HTR2C: variants seen among roughly 807,000 people sequenced by gnomAD.
The protein encoded by HTR2C is 5-hydroxytryptamine receptor 2C, also known as 5-hydroxytryptamine (serotonin) receptor 2C, G protein-coupled.
A neutral mutation model predicts 21.0 loss-of-function variants in HTR2C; 5 were observed. The ratio of observed to expected loss-of-function variants is 0.24; its 90% CI spans 0.12 to 0.50. The LOEUF (loss-of-function observed/expected upper bound fraction) is 0.50, where lower values mean the gene tolerates loss of function less well. HTR2C is among the 20% of genes least tolerant of loss of function. The pLI, the probability that HTR2C is intolerant of heterozygous loss-of-function variation, is 0.98. For missense variants in HTR2C, 271 were observed against 371.2 expected, an observed-to-expected ratio of 0.73 and a Z score of 2.22; for synonymous variants, 150 against 145.3, an observed-to-expected ratio of 1.03 and a Z score of -0.23.
At chrX:114,812,101 C>T (rs1423902583) in intron 4 of HTR2C, among the ~76,000 whole-genome samples, 1 of 109,168 alleles carries the variant, frequency 9.2e-6, no homozygotes, top group Non-Finnish European at 1.9e-5. Flanking sequence ...CTCCCCCTAC[C>T]CACCCCCCAC....
At chrX:114,806,080 T>C (rs1306537126) in intron 4 of HTR2C, among the ~76,000 whole-genome samples, 1 of 101,095 alleles carries the variant, frequency 9.9e-6, no homozygotes, top group Non-Finnish European at 2.0e-5. Context: ...ATATACACCA[T>C]ATATATACCA....
chrX:114,588,953 C>A (rs782175544), intron 1 of HTR2C, among the ~76,000 whole-genome samples: 1 of 111,797 alleles, frequency 8.9e-6, no homozygotes, highest in Non-Finnish European at 1.9e-5. Context: ...GAAGGTACTA[C>A]TATTATCCAG....
intron 2 of HTR2C, among the ~76,000 whole-genome samples, chrX:114,637,451 C>G (rs1488630794): frequency 8.1e-5 from 9 of 111,773 alleles, no homozygotes; most frequent in African/African-American, 2.9e-4. Context: ...TGACAATGTG[C>G]TGAAATATTA....
At chrX:114,787,771 C>T (rs899772960) in intron 4 of HTR2C, among the ~76,000 whole-genome samples, 1 of 109,841 alleles carries the variant, frequency 9.1e-6, no homozygotes, top group Admixed American at 9.7e-5. Flanking sequence ...CACGGTGAAA[C>T]CCCATCTCTA....
chrX:114,698,858 C>T (rs1932367566), intron 2 of HTR2C, among the ~76,000 whole-genome samples: 2 of 111,576 alleles, frequency 1.8e-5, no homozygotes. Context: ...CTTAGGAATT[C>T]AATTGGTACT....
chrX:114,770,802 C>CCTT (rs1478074755), intron 4 of HTR2C, among the ~76,000 whole-genome samples: 2 of 30,315 alleles, frequency 6.6e-5, no homozygotes, highest in Non-Finnish European at 5.9e-5. Context: ...TTTCTTTCTT[C>CCTT]CTTTTTTTTT....
intron 4 of HTR2C, among the ~76,000 whole-genome samples, chrX:114,811,687 G>C (rs183793899): frequency 2.7e-5 from 3 of 112,510 alleles, no homozygotes; most frequent in Admixed American, 9.4e-5. Flanking sequence ...AATGTTTTGT[G>C]TGAGTGTGTA....
intron 4 of HTR2C, among the ~76,000 whole-genome samples, chrX:114,777,295 C>T (rs2070068530): frequency 9.0e-6 from 1 of 111,612 alleles, no homozygotes; most frequent in Non-Finnish European, 1.9e-5. Flanking sequence ...TTTGAAGGCA[C>T]TTTCTGGGAT....
intron 2 of HTR2C, among the ~76,000 whole-genome samples, chrX:114,674,997 T>C (rs1267697842): frequency 8.9e-6 from 1 of 112,565 alleles, no homozygotes; most frequent in Non-Finnish European, 1.9e-5. Flanking sequence ...GTATAGTTAA[T>C]ATGATTAGAG....
At position 114,802,174 on chromosome X, in the gene HTR2C, G is replaced by A. The variant is rs2070352784; in HGVS notation, c.350-45829G>A. ...CACCGTAATTTTGGAATCAGCAACA[G>A]GGATTTTGTAATAGAATTATGGGAG... On this transcript the variant is annotated intron_variant, in intron 4 of 5. Transcript: ENST00000276198. Among the ~76,000 whole-genome samples the A allele has an allele frequency of 2.7e-5, 3 of 111,007 alleles. No individual in the cohort carries two copies. In the South Asian group the frequency reaches 1.1e-3, roughly 41 times the overall value.
At chrX:114,735,465 A>G (rs1184329602) in intron 4 of HTR2C, among the ~76,000 whole-genome samples, 2 of 111,928 alleles carry the variant, frequency 1.8e-5, no homozygotes, top group Non-Finnish European at 3.8e-5. Flanking sequence ...GAGCTAAAAT[A>G]AAAGAAATGG....
At chrX:114,749,788 A>C (rs188112304) in intron 4 of HTR2C, among the ~76,000 whole-genome samples, 33 of 112,347 alleles carry the variant, frequency 2.9e-4, no homozygotes, top group African/African-American at 1.1e-3. Flanking sequence ...TTAAGGAAAA[A>C]AATAAAAAAT....
chrX:114,640,172 A>C (rs1231201498), intron 2 of HTR2C, among the ~76,000 whole-genome samples: 1 of 111,816 alleles, frequency 8.9e-6, no homozygotes, highest in African/African-American at 3.2e-5. Flanking sequence ...AATGATAATC[A>C]TTTTAGCAGT....
intron 4 of HTR2C, among the ~76,000 whole-genome samples, chrX:114,839,279 A>G (rs1481965126): frequency 8.9e-6 from 1 of 112,520 alleles, no homozygotes; most frequent in African/African-American, 3.2e-5. Flanking sequence ...GGCAATCACA[A>G]CACTTGGAAA....
At chrX:114,819,909 C>G (rs1243244581) in intron 4 of HTR2C, among the ~76,000 whole-genome samples, 1 of 112,161 alleles carries the variant, frequency 8.9e-6, no homozygotes, top group African/African-American at 3.2e-5. Context: ...GTGATTTAAC[C>G]TTTGCCTGGC....
At chrX:114,667,579 T>G (rs1470939194) in intron 2 of HTR2C, among the ~76,000 whole-genome samples, 2 of 111,898 alleles carry the variant, frequency 1.8e-5, no homozygotes, top group Non-Finnish European at 3.8e-5. Flanking sequence ...TGCTGAACTT[T>G]GGAAGTGTAT....
chrX:114,701,827 A>G (rs1556416841), intron 2 of HTR2C, among the ~76,000 whole-genome samples: 1 of 111,809 alleles, frequency 8.9e-6, no homozygotes, highest in Non-Finnish European at 1.9e-5. Flanking sequence ...ATTTAGACGA[A>G]TGTATAACTA....
chrX:114,857,263 A>C (rs782703022), intron 5 of HTR2C, among the ~76,000 whole-genome samples: 2 of 111,499 alleles, frequency 1.8e-5, no homozygotes, highest in Admixed American at 9.6e-5. Context: ...AGAAATAATT[A>C]AAATCTATCT....
chrX:114,667,956 T>C (rs1318113573), intron 2 of HTR2C, among the ~76,000 whole-genome samples: 4 of 112,234 alleles, frequency 3.6e-5, no homozygotes, highest in African/African-American at 1.3e-4. Context: ...TTTCTTCTTA[T>C]GTATGGTAAA....
Sources: gnomAD v4.1 joint callset for allele counts (sites outside exome capture counted in the v4.1 genomes callset) on GRCh38, gnomAD v4.1.1 for gene constraint, MANE v1.5 for transcripts, NCBI Gene and HGNC (gene_info 2026-07-23, HGNC 2026-07-21) for gene names.